SAMD3: variants seen among roughly 807,000 people sequenced by gnomAD.
The protein encoded by SAMD3 is sterile alpha motif domain containing 3, also known as sterile alpha motif domain-containing protein 3.
In SAMD3, 63 loss-of-function variants were observed where a neutral mutation model predicts 58.5. The ratio of observed to expected loss-of-function variants is 1.08; its 90% CI spans 0.88 to 1.33. SAMD3 has a LOEUF of 1.33. Ranked by LOEUF, SAMD3 falls within the 40% of genes most tolerant of loss-of-function variation. The pLI, the probability that SAMD3 is intolerant of heterozygous loss-of-function variation, is 0.00. For missense variants in SAMD3, 604 were observed against 608.4 expected (o/e 0.99, Z 0.08); for synonymous variants, 220 against 210.3 (o/e 1.05, Z -0.40).
intron 5 of SAMD3, among the ~76,000 whole-genome samples, chr6:130,208,397 G>A (rs1440136816): frequency 6.6e-6 from 1 of 152,196 alleles, no homozygotes; most frequent in South Asian, 2.1e-4. Flanking sequence ...GACACAGACT[G>A]GTTCATGGCC....
chr6:130,216,882 C>A (rs988638124), intron 1 of SAMD3, among the ~76,000 whole-genome samples: 3 of 151,700 alleles, frequency 2.0e-5, no homozygotes, highest in Non-Finnish European at 4.4e-5. Context: ...GGCTTCCTTG[C>A]GAAGATTAGG....
chr6:130,187,315 T>C (rs1346750468), intron 5 of SAMD3, among the ~76,000 whole-genome samples: 1 of 152,168 alleles, frequency 6.6e-6, no homozygotes, highest in East Asian at 1.9e-4. Context: ...CCCTCCTTTT[T>C]TTTTTCAGTG....
chr6:130,300,301 A>G (rs1183628225), intron 2 of SAMD3, among the ~76,000 whole-genome samples: 1 of 152,238 alleles, frequency 6.6e-6, no homozygotes, highest in Non-Finnish European at 1.5e-5. Context: ...GGATGTTTCA[A>G]CATATGCAAA....
intron 2 of SAMD3, among the ~76,000 whole-genome samples, chr6:130,252,901 GT>G (rs1773787561): frequency 6.6e-6 from 1 of 152,128 alleles, no homozygotes; most frequent in Non-Finnish European, 1.5e-5. Context: ...TTGCTTTTTG[GT>G]AGGTTTTAAG....
chr6:130,315,124 A>AT (rs11458894), intron 1 of SAMD3, among the ~76,000 whole-genome samples: 64,628 of 151,840 alleles, frequency 0.43, 15,368 homozygotes, highest in African/African-American at 0.64. Context: ...TCACAGCAAT[A>AT]TTTTTGGCTT....
At chr6:130,256,987 A>G (rs1773947539) in intron 2 of SAMD3, among the ~76,000 whole-genome samples, 1 of 152,192 alleles carries the variant, frequency 6.6e-6, no homozygotes, top group African/African-American at 2.4e-5. Context: ...GTCCTTGCTA[A>G]CTGAATTGTG....
At chr6:130,265,949 T>C (rs1774333032) in intron 2 of SAMD3, among the ~76,000 whole-genome samples, 1 of 152,214 alleles carries the variant, frequency 6.6e-6, no homozygotes, top group African/African-American at 2.4e-5. Context: ...ACTGGTCTCA[T>C]GTCATTTAGG....
intron 1 of SAMD3, among the ~76,000 whole-genome samples, chr6:130,363,756 G>T (rs1778053056): frequency 1.3e-5 from 2 of 152,200 alleles, no homozygotes; most frequent in African/African-American, 2.4e-5. Flanking sequence ...ACTCTTATAA[G>T]ATGGGCTTGT....
At chr6:130,230,419 GCT>G (rs1434745529) in intron 2 of SAMD3, among the ~76,000 whole-genome samples, 1 of 151,890 alleles carries the variant, frequency 6.6e-6, no homozygotes, top group Non-Finnish European at 1.5e-5. Context: ...ACGGAGTCTT[GCT>G]CTGTCTCCCA....
At chr6:130,257,223 C>T (rs533424842) in intron 2 of SAMD3, among the ~76,000 whole-genome samples, 2 of 150,658 alleles carry the variant, frequency 1.3e-5, no homozygotes, top group East Asian at 3.9e-4. Context: ...AGAAAGAAGG[C>T]CCTCATCAGA....
At position 130,362,831 on chromosome 6, in the gene SAMD3, T is replaced by A. The variant is rs1283360459; in HGVS notation, c.-304+2289A>T. Among the ~76,000 whole-genome samples the A allele has an allele frequency of 2.6e-5, 4 of 152,312 alleles. No homozygotes were observed. The East Asian group carries it at 7.7e-4, about 29-fold the overall frequency. ...GAACAGAAAAGAAATTAGCAACATCTTTCTGCTGTGAAATCCACTGAACTA... is the reference window on the plus strand; with the variant it reads ...GAACAGAAAAGAAATTAGCAACATCATTCTGCTGTGAAATCCACTGAACTA... On this transcript the variant is annotated intron_variant, in intron 1 of 13. Transcript: ENST00000368134.
At position 130,146,093 on chromosome 6, in the gene SAMD3, G is replaced by A. The variant is rs41285306; in HGVS notation, c.1112C>T (p.Thr371Ile). The A allele has an allele frequency of 6.6e-3, 10,548 of 1,600,074 alleles. 55 individuals carry two copies. The highest frequency in any genetic ancestry group is 7.6e-3 in the Non-Finnish European group (8,901 of 1,171,954). ...TGGATTGTCCACCACTGAAAAAGAA[G>A]TCAGTATATTTTCTGAATAGGATTC... Reference protein sequence around the residue: ...ILESYSENILTSFSVVDNPIN... With the variant: ...ILESYSENILISFSVVDNPIN... Residue 371 changes from threonine to isoleucine, a missense_variant, in exon 10 of 12, where the codon ACT becomes ATT. By Grantham distance (89) the Thr-to-Ile change is moderately conservative (BLOSUM62 -1). Coordinates refer to ENST00000439090, the MANE Select transcript of SAMD3 (RefSeq NM_001017373.4).
chr6:130,249,938 C>A (rs530732015), intron 2 of SAMD3, among the ~76,000 whole-genome samples: 1 of 152,174 alleles, frequency 6.6e-6, no homozygotes, highest in Non-Finnish European at 1.5e-5. Flanking sequence ...CAGATACAAG[C>A]TTTATGGTAA....
At chr6:130,265,423 T>G (rs1774305356) in intron 2 of SAMD3, among the ~76,000 whole-genome samples, 1 of 152,120 alleles carries the variant, frequency 6.6e-6, no homozygotes, top group African/African-American at 2.4e-5. Flanking sequence ...ATGAGGAAAC[T>G]CATCACGGGA....
intron 9 of SAMD3, among the ~76,000 whole-genome samples, chr6:130,152,542 T>G (rs963789200): frequency 5.6e-4 from 85 of 152,022 alleles, no homozygotes; most frequent in African/African-American, 2.0e-3. Flanking sequence ...CCAGGCGTGG[T>G]GGCGTGCATC....
At chr6:130,271,347 C>A (rs1010834508) in intron 2 of SAMD3, among the ~76,000 whole-genome samples, 1 of 152,134 alleles carries the variant, frequency 6.6e-6, no homozygotes, top group Admixed American at 6.6e-5. Context: ...ACTTCCCTAT[C>A]CCTGTGTACT....
chr6:130,267,722 C>T (rs1258177365), intron 2 of SAMD3, among the ~76,000 whole-genome samples: 1 of 152,190 alleles, frequency 6.6e-6, no homozygotes, highest in Admixed American at 6.5e-5. Context: ...AGATTCCAGA[C>T]ATTGTATAGA....
At chr6:130,171,592 T>G (rs1791250446) in intron 8 of SAMD3, among the ~76,000 whole-genome samples, 2 of 152,226 alleles carry the variant, frequency 1.3e-5, no homozygotes, top group Non-Finnish European at 2.9e-5. Flanking sequence ...ATGATTTCCA[T>G]TCTTTTACAT....
chr6:130,268,257 AAG>A (rs1474415284), intron 2 of SAMD3, among the ~76,000 whole-genome samples: 46 of 152,320 alleles, frequency 3.0e-4, no homozygotes, highest in African/African-American at 1.1e-3. Flanking sequence ...GGATACAAGA[AAG>A]AAAATATTTT....
Sources: allele counts gnomAD v4.1 joint callset (sites outside exome capture counted in the v4.1 genomes callset), GRCh38; gene constraint gnomAD v4.1.1; transcripts MANE v1.5; gene names NCBI Gene and HGNC (gene_info 2026-07-23, HGNC 2026-07-21).